The following ZSWIM7 variants were observed in gnomAD, a reference collection of about 807,000 sequenced individuals.
ZSWIM7 encodes zinc finger SWIM domain-containing protein 7.
In ZSWIM7, 22 loss-of-function variants were observed where a neutral mutation model predicts 21.1. The ratio of observed to expected loss-of-function variants is 1.04; its 90% CI spans 0.74 to 1.49. ZSWIM7 has a LOEUF of 1.49. Among genes scored for constraint, ZSWIM7 ranks in the 40% most tolerant of loss-of-function variants. ZSWIM7 has a pLI of 0.00. For missense variants in ZSWIM7, 193 were observed against 168.0 expected (o/e 1.15, Z -0.82); for synonymous variants, 67 against 66.5 (o/e 1.01, Z -0.04).
chr17:15,989,939 G>C (rs1201872192), intron 2 of ZSWIM7, among the ~76,000 whole-genome samples: 2 of 152,150 alleles, frequency 1.3e-5, no homozygotes, highest in East Asian at 3.9e-4. Context: ...GCAATAAACC[G>C]GCCAGGCGCG....
chr17:15,992,857 C>A (rs1177377853), intron 2 of ZSWIM7, among the ~76,000 whole-genome samples: 2 of 151,992 alleles, frequency 1.3e-5, no homozygotes, highest in Non-Finnish European at 2.9e-5. Context: ...AAATATTATT[C>A]CTAGTTTCTA....
intron 1 of ZSWIM7, among the ~76,000 whole-genome samples, chr17:15,997,829 A>G (rs535047532): frequency 6.6e-6 from 1 of 152,112 alleles, no homozygotes; most frequent in African/African-American, 2.4e-5. Context: ...CTGGCTGGGC[A>G]CGGTGGCTCA....
rs1469534644 is a variant in ZSWIM7 at position 15,978,122 on chromosome 17, C to G, written c.348G>C (p.Arg116Ser). Residue 116 changes from arginine (R) to serine (S), a missense_variant, in exon 5 of 5, where the codon AGG becomes AGC. Transcript: ENST00000399277. ...LLAVYLSQVM[R>S]TCQQLSVSDK... ...CAGAGACACTTAGCTGCTGACAGGT[C>G]CTCATAACCTGACTCAGGTAAACTG... is the stretch of plus-strand genomic sequence containing the variant. 1 of 1,614,126 alleles carries G rather than the reference C, an allele frequency of 6.2e-7. No individual in the cohort carries two copies. Among genetic ancestry groups the G allele is most frequent in the Non-Finnish European group, 8.5e-7 (1 of 1,179,992 alleles).
At chr17:15,988,215 G>T (rs1443412499) in intron 2 of ZSWIM7, among the ~76,000 whole-genome samples, 1 of 152,000 alleles carries the variant, frequency 6.6e-6, no homozygotes, top group Admixed American at 6.6e-5. Flanking sequence ...AAAAATAAAA[G>T]AAAATATAAA....
At chr17:15,982,649 T>G (rs1027312956) in intron 3 of ZSWIM7, among the ~76,000 whole-genome samples, 1 of 152,152 alleles carries the variant, frequency 6.6e-6, no homozygotes, top group Non-Finnish European at 1.5e-5. Flanking sequence ...ATTAACATTT[T>G]TTTTTAATTT....
At chr17:15,993,651 C>T (rs940785225) in intron 2 of ZSWIM7, 106 bp downstream of exon 2, 4 of 876,492 alleles carry the variant, frequency 4.6e-6, no homozygotes, top group Non-Finnish European at 7.2e-6. Context: ...TAGGCGTGAG[C>T]CACTGCGCCC....
At chr17:15,994,851 C>T (rs371238864) in intron 1 of ZSWIM7, among the ~76,000 whole-genome samples, 3 of 152,146 alleles carry the variant, frequency 2.0e-5, no homozygotes, top group Non-Finnish European at 2.9e-5. Context: ...CTGAGAACAA[C>T]TATAGTGACG....
At chr17:15,979,830 A>T (rs1237556002) in intron 4 of ZSWIM7, among the ~76,000 whole-genome samples, 3 of 68,538 alleles carry the variant, frequency 4.4e-5, no homozygotes, top group South Asian at 6.5e-4. Context: ...CGGGGGGCTG[A>T]CCCCCCCACC....
At chr17:15,998,429 T>C (rs1970594268) in intron 1 of ZSWIM7, among the ~76,000 whole-genome samples, 1 of 152,194 alleles carries the variant, frequency 6.6e-6, no homozygotes, top group Non-Finnish European at 1.5e-5. Flanking sequence ...CCTTTCAAAA[T>C]GCAGTACAGT....
rs1567571383 is a variant in ZSWIM7 at position 15,991,915 on chromosome 17, T to TTG, written c.98+1841_98+1842insCA. ...CTGGGACAGGTTTTGTTTTTTTTTG[T>TTG]TTGTTTTGTTTTGTTTTGTTTTTTT... On this transcript the variant is annotated intron_variant, in intron 2 of 4. Coordinates refer to ENST00000399277, the MANE Select transcript of ZSWIM7 (RefSeq NM_001042697.2). Among the ~76,000 whole-genome samples, 21 of 43,208 alleles carry TTG rather than the reference T, an allele frequency of 4.9e-4. 1 individual carries two copies. The highest frequency in any genetic ancestry group is 6.6e-4 in the South Asian group (1 of 1,522). The allele number at this position is 43,208 out of a possible 152,430, so 28.3% of individuals were successfully genotyped here. A position where few individuals can be genotyped will look rare whatever the true frequency, so the allele number is the denominator to read the frequency against.
rs747752795 is a variant in ZSWIM7 at position 15,987,341 on chromosome 17, G to C, written c.126C>G (p.Ala42=). ...LSLKFLFGSS[A]TQALDLVDRQ... The stretch of plus-strand genomic sequence containing the variant: ...GATCAACTAGGTCCAAGGCCTGGGT[G>C]GCTGATGAGCCAAAGAGAAACTTCA... The change falls in exon 3 of 5, where the codon GCC becomes GCG. Residue 42 remains alanine, a synonymous_variant. Coordinates refer to ENST00000399277, the MANE Select transcript of ZSWIM7 (RefSeq NM_001042697.2). The C allele has an allele frequency of 6.2e-7, 1 of 1,613,300 alleles. No homozygotes were observed. Among genetic ancestry groups the C allele is most frequent in the Non-Finnish European group, 8.5e-7 (1 of 1,179,684 alleles).
chr17:15,999,503 G>T lies in ZSWIM7; in HGVS notation c.76+16C>A. On this transcript the variant is annotated intron_variant, in intron 1 of 4. Coordinates refer to ENST00000399277, the MANE Select transcript of ZSWIM7 (RefSeq NM_001042697.2). The stretch of plus-strand genomic sequence containing the variant: ...CCGCGCCCATGGCGCAGCCACACAC[G>T]ACCTCGGTCCCGTACTTCGCGCGCT... The T allele has an allele frequency of 6.3e-7, 1 of 1,596,812 alleles. No individual in the cohort carries two copies. The highest frequency in any genetic ancestry group is 8.5e-7 in the Non-Finnish European group (1 of 1,177,712).
intron 1 of ZSWIM7, 85 bp downstream of exon 1, chr17:15,999,434 C>T: frequency 1.3e-6 from 2 of 1,527,764 alleles, no homozygotes; most frequent in Non-Finnish European, 1.8e-6. Context: ...GGCCCGGACA[C>T]CCCGCCTCCT....
intron 1 of ZSWIM7, among the ~76,000 whole-genome samples, chr17:15,994,201 C>T (rs1970521268): frequency 6.6e-6 from 1 of 152,200 alleles, no homozygotes; most frequent in South Asian, 2.1e-4. Flanking sequence ...GATCCACTGG[C>T]CTTGGCCTCC....
chr17:15,993,866 C>G, intron 1 of ZSWIM7, 88 bp from the exon 2 acceptor site: 1 of 989,052 alleles, frequency 1.0e-6, no homozygotes, highest in Non-Finnish European at 1.5e-6. Context: ...TAACTAAAAA[C>G]ACTTCCGTGT....
intron 1 of ZSWIM7, among the ~76,000 whole-genome samples, chr17:15,995,052 T>C (rs1970531764): frequency 6.6e-6 from 1 of 152,102 alleles, no homozygotes; most frequent in African/African-American, 2.4e-5. Flanking sequence ...TTACTAATAT[T>C]TTATCATCAG....
intron 1 of ZSWIM7, among the ~76,000 whole-genome samples, chr17:15,994,957 C>T (rs1426157213): frequency 4.0e-5 from 6 of 151,454 alleles, no homozygotes; most frequent in East Asian, 1.9e-4. Flanking sequence ...GGTTACCAGA[C>T]AACAAAGGAA....
intron 3 of ZSWIM7, among the ~76,000 whole-genome samples, chr17:15,983,965 T>C (rs1014934702): frequency 3.3e-5 from 5 of 152,146 alleles, no homozygotes; most frequent in African/African-American, 1.2e-4. Flanking sequence ...TCGTCTCTTC[T>C]CTCTAGATTT....
intron 3 of ZSWIM7, among the ~76,000 whole-genome samples, chr17:15,984,384 G>A (rs1432188663): frequency 2.0e-5 from 3 of 152,126 alleles, no homozygotes; most frequent in Non-Finnish European, 2.9e-5. Context: ...TAGTTTTCCC[G>A]CTTATAGTCT....
Sources: allele counts gnomAD v4.1 joint callset (sites outside exome capture counted in the v4.1 genomes callset), GRCh38; gene constraint gnomAD v4.1.1; transcripts MANE v1.5; gene names NCBI Gene and HGNC (gene_info 2026-07-23, HGNC 2026-07-21).